CNTNAP2: variants seen among roughly 807,000 people sequenced by gnomAD.
The protein encoded by CNTNAP2 is contactin associated protein 2.
In CNTNAP2, 98 loss-of-function variants were observed where a neutral mutation model predicts 155.2. The ratio of observed to expected loss-of-function variants is 0.63; its 90% CI spans 0.54 to 0.75. CNTNAP2 has a LOEUF of 0.75. CNTNAP2 is among the 30% of genes least tolerant of loss of function. CNTNAP2 has a pLI of 0.00. For missense variants in CNTNAP2, 1,727 were observed against 1,688.1 expected (o/e 1.02, Z -0.40); for synonymous variants, 651 against 631.2 (o/e 1.03, Z -0.47).
intron 1 of CNTNAP2, among the ~76,000 whole-genome samples, chr7:146,724,171 C>T (rs1801388345): frequency 6.6e-6 from 1 of 152,220 alleles, no homozygotes; most frequent in South Asian, 2.1e-4. Context: ...TCACTTATTG[C>T]CAATTTGCTA....
At chr7:147,727,608 C>T (rs1356539042) in intron 13 of CNTNAP2, among the ~76,000 whole-genome samples, 1 of 151,930 alleles carries the variant, frequency 6.6e-6, no homozygotes, top group African/African-American at 2.4e-5. Flanking sequence ...ACAGCATTCT[C>T]AAAAACACTG....
At chr7:147,812,798 G>C (rs1239030292) in intron 13 of CNTNAP2, among the ~76,000 whole-genome samples, 1 of 152,144 alleles carries the variant, frequency 6.6e-6, no homozygotes, top group African/African-American at 2.4e-5. Flanking sequence ...GGTAATGGAA[G>C]AGATTTCACA....
chr7:146,967,220 A>G (rs895806170), intron 3 of CNTNAP2, among the ~76,000 whole-genome samples: 11 of 152,156 alleles, frequency 7.2e-5, no homozygotes, highest in Non-Finnish European at 1.3e-4. Flanking sequence ...TTGTTCTTTA[A>G]TAATTTTTAT....
chr7:146,897,739 C>A (rs1258321011), intron 3 of CNTNAP2, among the ~76,000 whole-genome samples: 1 of 151,992 alleles, frequency 6.6e-6, no homozygotes, highest in Non-Finnish European at 1.5e-5. Context: ...AATAGCCTAC[C>A]ACCCACTCTG....
At chr7:147,563,665 C>T (rs576434845) in intron 12 of CNTNAP2, among the ~76,000 whole-genome samples, 87 of 131,534 alleles carry the variant, frequency 6.6e-4, no homozygotes, top group African/African-American at 2.0e-3. Context: ...AAAACTTGCC[C>T]ATATTATTCA....
intron 1 of CNTNAP2, among the ~76,000 whole-genome samples, chr7:146,204,473 C>A (rs933325287): frequency 6.6e-6 from 1 of 151,986 alleles, no homozygotes; most frequent in Admixed American, 6.6e-5. Flanking sequence ...TACATTATAT[C>A]TCTTCTGAAG....
intron 13 of CNTNAP2, among the ~76,000 whole-genome samples, chr7:147,732,188 C>CCCA (rs1796753050): frequency 1.4e-5 from 1 of 74,028 alleles, no homozygotes; most frequent in Non-Finnish European, 2.5e-5. Context: ...CCCTCCCCCC[C>CCCA]CCACCACCCC....
At chr7:147,470,222 C>A (rs1798192658) in intron 10 of CNTNAP2, among the ~76,000 whole-genome samples, 1 of 152,132 alleles carries the variant, frequency 6.6e-6, no homozygotes, top group Non-Finnish European at 1.5e-5. Context: ...AAACACCAGC[C>A]GGGAAACCAC....
intron 20 of CNTNAP2, among the ~76,000 whole-genome samples, chr7:148,249,162 T>C (rs1796324567): frequency 6.6e-6 from 1 of 152,214 alleles, no homozygotes; most frequent in East Asian, 1.9e-4. Flanking sequence ...CATTTTTTCT[T>C]ATTCCCAATC....
intron 1 of CNTNAP2, among the ~76,000 whole-genome samples, chr7:146,578,474 G>A (rs10808038): frequency 0.83 from 126,134 of 152,128 alleles, 52,934 homozygotes; most frequent in African/African-American, 0.9. Context: ...ATTATATGCT[G>A]TTTATTTTTC....
At chr7:147,896,213 C>T (rs920223019) in intron 13 of CNTNAP2, among the ~76,000 whole-genome samples, 3 of 152,130 alleles carry the variant, frequency 2.0e-5, no homozygotes, top group African/African-American at 7.2e-5. Flanking sequence ...CCCCTTAGGT[C>T]CCATCCTGTT....
At position 147,863,672 on chromosome 7, in the gene CNTNAP2, G is replaced by C. The variant is rs544594955; in HGVS notation, c.2099-39893G>C. Among the ~76,000 whole-genome samples the C allele has an allele frequency of 2.1e-4, 32 of 152,236 alleles. 2 individuals are homozygous for C. In the South Asian group the frequency reaches 6.4e-3, roughly 31 times the overall value. ...TTGTAGTTTTGATTTGCATTTCTCT[G>C]ATGGTCAGTGATGATGAGCATTTTT... is the stretch of plus-strand genomic sequence containing the variant. On this transcript the variant is annotated intron_variant, in intron 13 of 23. Transcript: ENST00000361727.
chr7:148,096,097 G>A (rs1803959416), intron 15 of CNTNAP2, among the ~76,000 whole-genome samples: 1 of 152,112 alleles, frequency 6.6e-6, no homozygotes, highest in East Asian at 1.9e-4. Flanking sequence ...GTATAAAAAT[G>A]GATCTTCCTA....
intron 21 of CNTNAP2, among the ~76,000 whole-genome samples, chr7:148,285,485 G>A (rs77008345): frequency 5.3e-4 from 80 of 152,356 alleles, no homozygotes; most frequent in African/African-American, 1.8e-3. Flanking sequence ...TTATTTAACA[G>A]ACTGTCTTTC....
chr7:146,676,991 T>C (rs1800410907), intron 1 of CNTNAP2, among the ~76,000 whole-genome samples: 1 of 152,212 alleles, frequency 6.6e-6, no homozygotes, highest in African/African-American at 2.4e-5. Context: ...TTTAGAGGTT[T>C]ATTTTGCAAG....
chr7:147,729,332 A>T (rs1302545350), intron 13 of CNTNAP2, among the ~76,000 whole-genome samples: 2 of 151,838 alleles, frequency 1.3e-5, no homozygotes, highest in African/African-American at 4.8e-5. Flanking sequence ...CTTTAACTAG[A>T]TGTTAGAAGT....
intron 13 of CNTNAP2, among the ~76,000 whole-genome samples, chr7:147,713,286 T>C (rs1796429625): frequency 6.6e-6 from 1 of 152,128 alleles, no homozygotes; most frequent in Non-Finnish European, 1.5e-5. Context: ...GATAGAACAG[T>C]TCGAACACCC....
rs529729744 is a variant in CNTNAP2 at position 148,144,167 on chromosome 7, A to G, written c.2555-3324A>G. 2.6e-5 allele frequency among the ~76,000 whole-genome samples: 4 copies of G among 152,326 alleles called. No individual in the cohort carries two copies. The East Asian group carries it at 7.7e-4, about 29-fold the overall frequency. On this transcript the variant is annotated intron_variant, in intron 16 of 23. Coordinates refer to ENST00000361727, the MANE Select transcript of CNTNAP2 (RefSeq NM_014141.6). ...GCAAGAAGCATTGACAGCTTTGTTT[A>G]TACCTTTTTTAAGGATGTGTGTATA...
At chr7:147,293,983 T>A (rs1321745830) in intron 8 of CNTNAP2, among the ~76,000 whole-genome samples, 1 of 152,200 alleles carries the variant, frequency 6.6e-6, no homozygotes, top group Non-Finnish European at 1.5e-5. Flanking sequence ...TATATGAATA[T>A]CAGTTTCCTT....
Sources: gnomAD v4.1 joint callset for allele counts (sites outside exome capture counted in the v4.1 genomes callset) on GRCh38, gnomAD v4.1.1 for gene constraint, MANE v1.5 for transcripts, NCBI Gene and HGNC (gene_info 2026-07-23, HGNC 2026-07-21) for gene names.